The following VPS13B variants were observed in gnomAD, a reference collection of about 807,000 sequenced individuals.
VPS13B encodes vacuolar protein sorting 13 homolog B.
VPS13B carries 285 observed loss-of-function variants against 426.4 expected under a neutral mutation model. The ratio of observed to expected loss-of-function variants is 0.67; its 90% CI spans 0.61 to 0.74. The LOEUF is 0.74. VPS13B is among the 30% of genes least tolerant of loss of function. The probability of loss-of-function intolerance (pLI) is 0.00; values close to 1 mark genes in which losing one functional copy is unlikely to be tolerated. For synonymous variants in VPS13B, 1,676 were observed against 1,676.4 expected, an observed-to-expected ratio of 1.00 and a Z score of 0.01; for missense variants, 4,537 against 4,782.6, an observed-to-expected ratio of 0.95 and a Z score of 1.51.
chr8:99,548,991 C>G (rs1237299705), intron 30 of VPS13B, among the ~76,000 whole-genome samples: 2 of 151,910 alleles, frequency 1.3e-5, no homozygotes, highest in Non-Finnish European at 2.9e-5. Context: ...AATGGTCTAC[C>G]TTTATAATTT....
At chr8:99,480,883 C>A (rs1246646615) in intron 24 of VPS13B, among the ~76,000 whole-genome samples, 4 of 152,216 alleles carry the variant, frequency 2.6e-5, no homozygotes, top group Non-Finnish European at 4.4e-5. Context: ...ACATATTGTG[C>A]TTGCATTTTT....
intron 16 of VPS13B, among the ~76,000 whole-genome samples, chr8:99,187,379 A>G (rs893504102): frequency 6.6e-6 from 1 of 152,230 alleles, no homozygotes; most frequent in Non-Finnish European, 1.5e-5. Context: ...AAAGGAAATA[A>G]TAAGGATAAT....
intron 24 of VPS13B, among the ~76,000 whole-genome samples, chr8:99,471,493 TA>T (rs1262094928): frequency 6.6e-6 from 1 of 151,860 alleles, no homozygotes; most frequent in East Asian, 1.9e-4. Context: ...TTAGGACAAC[TA>T]ATAAGAAAAT....
intron 39 of VPS13B, among the ~76,000 whole-genome samples, chr8:99,760,438 A>C (rs1477912600): frequency 1.3e-5 from 2 of 152,210 alleles, no homozygotes; most frequent in African/African-American, 4.8e-5. Context: ...CCTTGTTTAC[A>C]AGTGAGGGAA....
chr8:99,870,897 T>C lies in VPS13B; in HGVS notation c.11495+10T>C, dbSNP rs1250469602. 13 of 1,612,392 alleles carry C rather than the reference T, an allele frequency of 8.1e-6. No individual in the cohort carries two copies. In the Admixed American group the frequency reaches 1.0e-4, roughly 12 times the overall value. On this transcript the variant is annotated intron_variant, in intron 60 of 61. Coordinates refer to ENST00000357162, the MANE Select transcript of VPS13B (RefSeq NM_152564.5). ...ATGTCAAATATGTCTGGTAAAATTA[T>C]TGAGATACGTGCTCAACTTTACATC...
At chr8:99,534,392 A>G (rs984443199) in intron 30 of VPS13B, among the ~76,000 whole-genome samples, 7 of 152,184 alleles carry the variant, frequency 4.6e-5, no homozygotes, top group African/African-American at 1.7e-4. Context: ...CCACTTTTAT[A>G]CTTTCTTCTA....
At chr8:99,793,997 A>C (rs930337546) in intron 43 of VPS13B, among the ~76,000 whole-genome samples, 1 of 152,204 alleles carries the variant, frequency 6.6e-6, no homozygotes, top group African/African-American at 2.4e-5. Flanking sequence ...GGTGCTTCAC[A>C]CCTATAATCC....
At chr8:99,577,846 A>T (rs1415541967) in intron 33 of VPS13B, 1 of 627,258 alleles carries the variant, frequency 1.6e-6, no homozygotes, top group Non-Finnish European at 2.7e-6. Context: ...ACCTTTGCAA[A>T]ATTGCTGTGG....
intron 38 of VPS13B, 37 bp downstream of exon 38, chr8:99,720,589 T>A: frequency 6.3e-7 from 1 of 1,589,780 alleles, no homozygotes; most frequent in Non-Finnish European, 8.6e-7. Flanking sequence ...AGTGTCTCTG[T>A]GCATGTGGTT....
At chr8:99,130,603 G>C (rs1809732290) in intron 8 of VPS13B, among the ~76,000 whole-genome samples, 2 of 151,982 alleles carry the variant, frequency 1.3e-5, no homozygotes, top group Non-Finnish European at 2.9e-5. Context: ...TGTTAGCCAG[G>C]ATGGTCTCGA....
chr8:99,474,747 A>G (rs754957595), intron 24 of VPS13B, among the ~76,000 whole-genome samples: 35 of 152,182 alleles, frequency 2.3e-4, no homozygotes, highest in Non-Finnish European at 5.1e-4. Context: ...GCTTGTGAGA[A>G]TGTAAAAATG....
chr8:99,869,430 C>T (rs1465929057), intron 59 of VPS13B, among the ~76,000 whole-genome samples: 1 of 152,082 alleles, frequency 6.6e-6, no homozygotes, highest in African/African-American at 2.4e-5. Context: ...GAATGAGTGC[C>T]CACACTTCAG....
chr8:99,462,103 TCTTCCTTCCTTCCTTCCAA>T lies in VPS13B; in HGVS notation c.3446-5295_3446-5277del, dbSNP rs1487853818. Among the ~76,000 whole-genome samples the T allele has an allele frequency of 5.4e-5, 8 of 146,880 alleles. No homozygotes were observed. The East Asian group carries it at 1.5e-3, about 27-fold the overall frequency. On this transcript the variant is annotated intron_variant, in intron 23 of 61. Coordinates refer to ENST00000357162, the MANE Select transcript of VPS13B (RefSeq NM_152564.5). ...CCCTCCCTCCCTTCCTTCCTTCCTT[TCTTCCTTCCTTCCTTCCAA>T]CTTCCTTCCTTCCTTTCCTAACTCT...
intron 60 of VPS13B, 141 bp from the exon 61 acceptor site, chr8:99,871,302 AATTAC>A: frequency 8.1e-7 from 1 of 1,236,736 alleles, no homozygotes; most frequent in East Asian, 2.3e-5. Flanking sequence ...GAGAACTGAC[AATTAC>A]ATTTCAAGCT....
intron 30 of VPS13B, among the ~76,000 whole-genome samples, chr8:99,540,038 TATATATATATATATATATATATATA>T (rs1235912608): frequency 0.19 from 949 of 5,008 alleles, 17 homozygotes; most frequent in East Asian, 0.31. Flanking sequence ...TATATATATA[TATATATATATATATATATATATATA>T]TTTTTTTTTT....
chr8:99,368,955 T>G (rs1267915869), intron 19 of VPS13B, among the ~76,000 whole-genome samples: 1 of 152,210 alleles, frequency 6.6e-6, no homozygotes, highest in Non-Finnish European at 1.5e-5. Flanking sequence ...TCCATGTTGT[T>G]GCACAAGGTG....
chr8:99,668,083 C>A (rs1830557612), intron 35 of VPS13B, among the ~76,000 whole-genome samples: 1 of 152,166 alleles, frequency 6.6e-6, no homozygotes, highest in Non-Finnish European at 1.5e-5. Flanking sequence ...ATGTTTTAAT[C>A]TGTATGCATA....
chr8:99,640,961 A>G (rs1829334866), intron 33 of VPS13B, among the ~76,000 whole-genome samples: 1 of 152,188 alleles, frequency 6.6e-6, no homozygotes, highest in African/African-American at 2.4e-5. Flanking sequence ...TGAAAAAGCA[A>G]GTAAAATATC....
At chr8:99,687,357 T>C (rs1831458556) in intron 35 of VPS13B, among the ~76,000 whole-genome samples, 1 of 152,030 alleles carries the variant, frequency 6.6e-6, no homozygotes, top group Admixed American at 6.6e-5. Context: ...CTGACTGGAT[T>C]GCATGCCCCC....
Sources: gnomAD v4.1 joint callset for allele counts (sites outside exome capture counted in the v4.1 genomes callset) on GRCh38, gnomAD v4.1.1 for gene constraint, MANE v1.5 for transcripts, NCBI Gene and HGNC (gene_info 2026-07-23, HGNC 2026-07-21) for gene names.